The following PDE3A variants were observed in gnomAD, a reference collection of about 807,000 sequenced individuals.
PDE3A encodes phosphodiesterase 3A, also known as cGMP-inhibited 3',5'-cyclic phosphodiesterase 3A.
Under a neutral mutation model 98.3 loss-of-function variants are expected in PDE3A, and 43 were observed. The observed-to-expected ratio is 0.44, with a 90% CI of 0.34 to 0.56. The LOEUF is 0.56. Ranked by LOEUF, PDE3A falls within the 20% of genes least tolerant of loss-of-function variation. The pLI is 0.01. For missense variants in PDE3A, 1,427 were observed against 1,440.7 expected, an observed-to-expected ratio of 0.99 and a Z score of 0.15; for synonymous variants, 663 against 567.9, an observed-to-expected ratio of 1.17 and a Z score of -2.38.
At chr12:20,595,364 A>T (rs539228321) in intron 2 of PDE3A, among the ~76,000 whole-genome samples, 1 of 152,230 alleles carries the variant, frequency 6.6e-6, no homozygotes, top group East Asian at 1.9e-4. Flanking sequence ...CCCATTCTTG[A>T]TCAAATCCCT....
At chr12:20,426,009 C>T (rs182719549) in intron 1 of PDE3A, among the ~76,000 whole-genome samples, 1 of 152,206 alleles carries the variant, frequency 6.6e-6, no homozygotes, top group East Asian at 1.9e-4. Flanking sequence ...TTATTTCGAG[C>T]TCTTAGAATA....
In PDE3A at chr12:20,688,411, A is replaced by G. The variant is rs1439221250; in HGVS notation, c.*8140A>G. Among the ~76,000 whole-genome samples the G allele has an allele frequency of 1.3e-5, 2 of 151,700 alleles. No individual in the cohort carries two copies. The highest frequency in any genetic ancestry group is 6.6e-5 in the Admixed American group (1 of 15,196). Reference sequence around the variant, plus strand: ...TTTATTATTTTTTAGCTTAGATACTATGTTGATGCTCCCTTTTTGCCAGAA... The same window carrying G: ...TTTATTATTTTTTAGCTTAGATACTGTGTTGATGCTCCCTTTTTGCCAGAA... On this transcript the variant is annotated 3_prime_UTR_variant, in exon 16 of 16. Transcript: ENST00000359062.
intron 2 of PDE3A, among the ~76,000 whole-genome samples, chr12:20,609,010 T>A (rs1043823912): frequency 2.0e-5 from 3 of 152,040 alleles, no homozygotes; most frequent in Non-Finnish European, 4.4e-5. Context: ...AGGATCACAC[T>A]GGATGAGATT....
rs1239213805 is a variant in PDE3A, at chr12:20,637,096, A to G, written c.2002-4A>G. 2.5e-6 allele frequency: 4 copies of G among 1,598,750 alleles called. No homozygotes were observed. Among genetic ancestry groups the G allele is most frequent in the Non-Finnish European group, 3.4e-6 (4 of 1,173,642 alleles). Reference sequence around the variant, plus strand: ...TTTAAGTATTTTAATGTTAAACATTACAGGACAAACCAATTCTTGCTCCCG... The same window carrying G: ...TTTAAGTATTTTAATGTTAAACATTGCAGGACAAACCAATTCTTGCTCCCG... On this transcript the variant is annotated splice_polypyrimidine_tract_variant and splice_region_variant and intron_variant, in intron 8 of 15. Coordinates refer to ENST00000359062, the MANE Select transcript of PDE3A (RefSeq NM_000921.5).
At chr12:20,553,631 G>A (rs747990143) in intron 1 of PDE3A, among the ~76,000 whole-genome samples, 3 of 151,442 alleles carry the variant, frequency 2.0e-5, no homozygotes, top group South Asian at 2.1e-4. Context: ...TGAGATCCGC[G>A]TGAAAAGTCC....
intron 2 of PDE3A, among the ~76,000 whole-genome samples, chr12:20,574,876 C>A (rs575898323): frequency 6.6e-6 from 1 of 152,106 alleles, no homozygotes; most frequent in East Asian, 1.9e-4. Flanking sequence ...GATTATACTG[C>A]CTCATAATCT....
In PDE3A at chr12:20,654,158, C is replaced by T. The variant is rs937531537; in HGVS notation, c.3137C>T (p.Ala1046Val). The change falls in exon 15 of 16, where the codon GCA becomes GTA. Residue 1046 changes from alanine to valine, a missense_variant. Physicochemically the swap from Ala to Val is moderately conservative, Grantham distance 64 (BLOSUM62 0). Around this residue, in one of 3 missense-constraint regions of PDE3A, gnomAD observed 142 missense variants for 133.9 expected, o/e 1.06. Transcript: ENST00000359062. ...GACCCAGAAGAAGAGGAGGAAGAAG[C>T]ACCAGCACCAAATGAAGAGGAAACC... ...TDDPEEEEEE[A>V]PAPNEEETCE... 1 of 1,613,888 alleles carries T rather than the reference C, an allele frequency of 6.2e-7. No individual in the cohort carries two copies. The highest frequency in any genetic ancestry group is 8.5e-7 in the Non-Finnish European group (1 of 1,179,888).
chr12:20,387,839 A>G (rs1036956496), intron 1 of PDE3A, among the ~76,000 whole-genome samples: 1 of 152,078 alleles, frequency 6.6e-6, no homozygotes, highest in Non-Finnish European at 1.5e-5. Context: ...TTTAAATCAC[A>G]TGGGAAAATA....
At chr12:20,551,351 T>C (rs1322679194) in intron 1 of PDE3A, among the ~76,000 whole-genome samples, 1 of 152,076 alleles carries the variant, frequency 6.6e-6, no homozygotes, top group Non-Finnish European at 1.5e-5. Context: ...GTGCAAATAC[T>C]CTAAAGTTTT....
Position 20,676,131 on chromosome 12 carries a change from C to T in PDE3A, c.3185-3899C>T, listed in dbSNP as rs1945632187. On this transcript the variant is annotated intron_variant, in intron 15 of 15. Transcript: ENST00000359062. The stretch of plus-strand genomic sequence containing the variant: ...TTTTCTGTAGTGCTAACATTTGATT[C>T]CTTTCATTTCCTTATTTGTGTTTGC... Among the ~76,000 whole-genome samples, 3 of 151,768 alleles carry T rather than the reference C, an allele frequency of 2.0e-5. No homozygotes were observed. In the South Asian group the frequency reaches 6.2e-4, roughly 32 times the overall value.
At chr12:20,400,378 G>GGTTTTTTTTTTT (rs779152535) in intron 1 of PDE3A, among the ~76,000 whole-genome samples, 12 of 106,110 alleles carry the variant, frequency 1.1e-4, no homozygotes, top group Non-Finnish European at 1.5e-4. Flanking sequence ...CGTTAACATT[G>GGTTTTTTTTTTT]GTTTTTTTTT....
At chr12:20,483,068 G>C (rs1480314208) in intron 1 of PDE3A, among the ~76,000 whole-genome samples, 1 of 152,002 alleles carries the variant, frequency 6.6e-6, no homozygotes, top group African/African-American at 2.4e-5. Context: ...AAGGAGATTT[G>C]ATGCCTACAT....
chr12:20,611,601 T>A (rs1943855749), intron 2 of PDE3A, among the ~76,000 whole-genome samples: 1 of 151,882 alleles, frequency 6.6e-6, no homozygotes, highest in African/African-American at 2.4e-5. Flanking sequence ...TTAATATATA[T>A]CAACTTTACC....
Position 20,393,678 on chromosome 12 carries a change from A to G in PDE3A, c.960+23434A>G, listed in dbSNP as rs1943960022. ...AAAACAAAACAGAAAAAAAGCTGGAAAAGGAAGGCTTGAGATTTGATGCAC... is the reference window on the plus strand; with the variant it reads ...AAAACAAAACAGAAAAAAAGCTGGAGAAGGAAGGCTTGAGATTTGATGCAC... On this transcript the variant is annotated intron_variant, in intron 1 of 15. Transcript: ENST00000359062. 2.0e-5 allele frequency among the ~76,000 whole-genome samples: 3 copies of G among 152,088 alleles called. No homozygotes were observed. In the South Asian group the frequency reaches 6.2e-4, roughly 31 times the overall value.
At chr12:20,532,798 C>G (rs961866919) in intron 1 of PDE3A, among the ~76,000 whole-genome samples, 2 of 151,266 alleles carry the variant, frequency 1.3e-5, no homozygotes, top group African/African-American at 2.4e-5. Context: ...ACGCCATTCT[C>G]CTGCCTCAGC....
intron 1 of PDE3A, among the ~76,000 whole-genome samples, chr12:20,418,842 A>G (rs1944465781): frequency 6.6e-6 from 1 of 152,144 alleles, no homozygotes; most frequent in East Asian, 1.9e-4. Context: ...TTAAATTAAC[A>G]GTATGTTATA....
rs1944027988 is a variant in PDE3A at position 20,617,182 on chromosome 12, A to G, written c.1424+798A>G. Among the ~76,000 whole-genome samples the G allele has an allele frequency of 2.0e-5, 3 of 152,308 alleles. No homozygotes were observed. The South Asian group carries it at 6.2e-4, about 32-fold the overall frequency. On this transcript the variant is annotated intron_variant, in intron 4 of 15. Coordinates refer to ENST00000359062, the MANE Select transcript of PDE3A (RefSeq NM_000921.5). ...AATATCCACATCTATGTCGTATTAT[A>G]TGACAGCAATATCAGAAGTAATTTT...
chr12:20,585,469 A>G (rs1469107907), intron 2 of PDE3A, among the ~76,000 whole-genome samples: 1 of 152,222 alleles, frequency 6.6e-6, no homozygotes, highest in Non-Finnish European at 1.5e-5. Context: ...TAACCAAAAC[A>G]ACGTAAGTTA....
intron 1 of PDE3A, among the ~76,000 whole-genome samples, chr12:20,492,565 CCA>C (rs1301649317): frequency 6.6e-6 from 1 of 151,994 alleles, no homozygotes; most frequent in Non-Finnish European, 1.5e-5. Flanking sequence ...ATCACTAGGA[CCA>C]AAGGCACGAG....
Sources: gnomAD v4.1 joint callset for allele counts (sites outside exome capture counted in the v4.1 genomes callset) on GRCh38, gnomAD v4.1.1 for gene constraint, gnomAD v4.1.1 regional missense constraint, MANE v1.5 for transcripts, NCBI Gene and HGNC (gene_info 2026-07-23, HGNC 2026-07-21) for gene names.